CMTM8: variants seen among roughly 807,000 people sequenced by gnomAD.
The protein encoded by CMTM8 is CKLF like MARVEL transmembrane domain containing 8, also known as CKLF-like MARVEL transmembrane domain-containing protein 8.
CMTM8 carries 12 observed loss-of-function variants against 18.6 expected under a neutral mutation model. The ratio of observed to expected loss-of-function variants is 0.65; its 90% CI spans 0.41 to 1.05. The LOEUF (loss-of-function observed/expected upper bound fraction) is 1.05. Among genes scored for constraint, CMTM8 ranks in the 50% least tolerant of loss-of-function variants. The pLI, the probability that CMTM8 is intolerant of heterozygous loss-of-function variation, is 0.00. For synonymous variants in CMTM8, 87 were observed against 90.6 expected (o/e 0.96, Z 0.23); for missense variants, 217 against 227.2 (o/e 0.95, Z 0.29).
intron 1 of CMTM8, among the ~76,000 whole-genome samples, chr3:32,252,932 G>A (rs988012949): frequency 6.6e-6 from 1 of 152,158 alleles, no homozygotes; most frequent in African/African-American, 2.4e-5. Flanking sequence ...AGTTAAGGAA[G>A]GGAAGTTAAC....
chr3:32,291,386 C>T (rs1387770671), intron 1 of CMTM8, among the ~76,000 whole-genome samples: 4 of 152,100 alleles, frequency 2.6e-5, no homozygotes, highest in South Asian at 2.1e-4. Context: ...GTGATCCGCC[C>T]GCCTCGGCCT....
rs200857947 is a variant in CMTM8, at chr3:32,361,289, T to TTTTTTTTTGTTTTTTTTTTG, written c.321+3749_321+3750insTTGTTTTTTTTTTGTTTTTT. Among the ~76,000 whole-genome samples the TTTTTTTTTGTTTTTTTTTTG allele has an allele frequency of 9.8e-3, 1,412 of 143,648 alleles. 33 individuals carry two copies. Among genetic ancestry groups the TTTTTTTTTGTTTTTTTTTTG allele is most frequent in the African/African-American group, 0.035 (1,343 of 38,574 alleles). The allele number at this position is 143,648 out of a possible 152,430, so 94.2% of individuals were successfully genotyped here. On this transcript the variant is annotated intron_variant, in intron 2 of 3. Transcript: ENST00000307526. ...AGCCACGGCGCCCAGCCTAAGAGTT[T>TTTTTTTTTGTTTTTTTTTTG]TTTTTTCTTTCAAATTTTGGAAAGG...
intron 1 of CMTM8, among the ~76,000 whole-genome samples, chr3:32,351,528 C>T (rs557336923): frequency 1.3e-5 from 2 of 151,512 alleles, no homozygotes; most frequent in African/African-American, 4.8e-5. Flanking sequence ...GGCAACATAG[C>T]GAGACCTCAT....
chr3:32,334,139 C>T, intron 1 of CMTM8, among the ~76,000 whole-genome samples: 1 of 151,696 alleles, frequency 6.6e-6, no homozygotes, highest in East Asian at 2.0e-4. Flanking sequence ...CCACCATGCC[C>T]AGCTAATTTT....
At position 32,326,515 on chromosome 3, in the gene CMTM8, CTT is replaced by C. The variant is rs58555396; in HGVS notation, c.148-30838_148-30837del. 9.6e-3 allele frequency among the ~76,000 whole-genome samples: 1,083 copies of C among 113,334 alleles called. 7 individuals carry two copies. Among genetic ancestry groups the C allele is most frequent in the African/African-American group, 0.028 (867 of 31,490 alleles). The allele number at this position is 113,334 out of a possible 152,430, so 74.4% of individuals were successfully genotyped here. ...CTGAGGTCCTGACTTTTCTTTCTTTCTTTTTTTTTTTTTTTTTTTTTGACAGA... is the reference window on the plus strand; with the variant it reads ...CTGAGGTCCTGACTTTTCTTTCTTTCTTTTTTTTTTTTTTTTTTTGACAGA... On this transcript the variant is annotated intron_variant, in intron 1 of 3. Transcript: ENST00000307526.
rs150112865 is a variant in CMTM8, at chr3:32,316,017, CTTTTTTTTTTTTTTT to C, written c.148-41343_148-41329del. ...TACTTGATCTTTTCTGTGATTCCAC[CTTTTTTTTTTTTTTT>C]TTTTTTTTTTTTGAGATGGAGTCTT... On this transcript the variant is annotated intron_variant, in intron 1 of 3. Coordinates refer to ENST00000307526, the MANE Select transcript of CMTM8 (RefSeq NM_178868.5). Among the ~76,000 whole-genome samples the C allele has an allele frequency of 3.3e-3, 217 of 65,104 alleles. 2 individuals carry two copies. The highest frequency in any genetic ancestry group is 0.012 in the African/African-American group (206 of 17,144). The allele number at this position is 65,104 out of a possible 152,430, so 42.7% of individuals were successfully genotyped here.
chr3:32,290,411 T>A (rs1270462135), intron 1 of CMTM8, among the ~76,000 whole-genome samples: 1 of 152,222 alleles, frequency 6.6e-6, no homozygotes, highest in Admixed American at 6.5e-5. Flanking sequence ...AAGATGTCAG[T>A]TCCTAAATAA....
At chr3:32,326,472 G>A (rs1012712022) in intron 1 of CMTM8, among the ~76,000 whole-genome samples, 1 of 151,420 alleles carries the variant, frequency 6.6e-6, no homozygotes, top group Non-Finnish European at 1.5e-5. Flanking sequence ...ATCCCGGCCT[G>A]GAGTACAACT....
chr3:32,367,693 C>T (rs569953859), intron 2 of CMTM8, among the ~76,000 whole-genome samples, 179 bp from the exon 3 acceptor site: 3 of 152,216 alleles, frequency 2.0e-5, no homozygotes, highest in East Asian at 1.9e-4. Context: ...TATGAGCTGC[C>T]GTAAAACCCT....
intron 1 of CMTM8, among the ~76,000 whole-genome samples, chr3:32,352,944 A>G (rs957026400): frequency 6.6e-6 from 1 of 151,952 alleles, no homozygotes; most frequent in Non-Finnish European, 1.5e-5. Flanking sequence ...AAGGTGCAAA[A>G]GCATGCATAT....
At chr3:32,359,451 G>A (rs576858135) in intron 2 of CMTM8, among the ~76,000 whole-genome samples, 2 of 152,280 alleles carry the variant, frequency 1.3e-5, no homozygotes, top group South Asian at 2.1e-4. Flanking sequence ...TTAGCCTGGC[G>A]TAGTGGCACA....
At chr3:32,282,568 A>G (rs1037029362) in intron 1 of CMTM8, among the ~76,000 whole-genome samples, 5 of 152,240 alleles carry the variant, frequency 3.3e-5, no homozygotes, top group Admixed American at 3.3e-4. Flanking sequence ...CCTCTCTTGT[A>G]TTATTTTTAT....
intron 1 of CMTM8, among the ~76,000 whole-genome samples, chr3:32,332,929 T>C (rs867235268): frequency 3.3e-5 from 5 of 152,228 alleles, no homozygotes; most frequent in Admixed American, 2.0e-4. Context: ...GTTATTAATA[T>C]GTGTTTGATG....
At chr3:32,240,464 G>T (rs1701933860) in intron 1 of CMTM8, among the ~76,000 whole-genome samples, 1 of 152,190 alleles carries the variant, frequency 6.6e-6, no homozygotes, top group South Asian at 2.1e-4. Context: ...CTTCAGCAGC[G>T]CAAACAAAAG....
chr3:32,315,802 T>A (rs1695916856), intron 1 of CMTM8, among the ~76,000 whole-genome samples: 1 of 152,174 alleles, frequency 6.6e-6, no homozygotes, highest in Admixed American at 6.5e-5. Context: ...GCTTATGTAG[T>A]ATTAAATACT....
chr3:32,293,071 G>A (rs1390453018), intron 1 of CMTM8, among the ~76,000 whole-genome samples: 12 of 127,968 alleles, frequency 9.4e-5, no homozygotes, highest in African/African-American at 2.7e-4. Context: ...GTGTATATAT[G>A]TGTGTGTATA....
intron 1 of CMTM8, among the ~76,000 whole-genome samples, chr3:32,291,280 C>T (rs1029874129): frequency 2.6e-5 from 4 of 152,120 alleles, no homozygotes; most frequent in Non-Finnish European, 4.4e-5. Flanking sequence ...AGGTGCCCGC[C>T]ACCACATCTG....
At position 32,369,880 on chromosome 3, in the gene CMTM8, C is replaced by A; in HGVS notation, c.439-4C>A. ...CCACTTCTATTATGCTTTGTTTTCT[C>A]CAGTTCTTTGCCTTCCTGGTCACCA... On this transcript the variant is annotated splice_polypyrimidine_tract_variant and splice_region_variant and intron_variant, in intron 3 of 3. Transcript: ENST00000307526. 1 of 1,603,002 alleles carries A rather than the reference C, an allele frequency of 6.2e-7. No individual in the cohort carries two copies. The highest frequency in any genetic ancestry group is 1.1e-5 in the South Asian group (1 of 89,812).
At chr3:32,302,795 A>G (rs1695645724) in intron 1 of CMTM8, among the ~76,000 whole-genome samples, 1 of 152,220 alleles carries the variant, frequency 6.6e-6, no homozygotes, top group East Asian at 1.9e-4. Flanking sequence ...AAGTGTATGA[A>G]GTACCTGTGC....
Sources: gnomAD v4.1 joint callset for allele counts (sites outside exome capture counted in the v4.1 genomes callset) on GRCh38, gnomAD v4.1.1 for gene constraint, MANE v1.5 for transcripts, NCBI Gene and HGNC (gene_info 2026-07-23, HGNC 2026-07-21) for gene names.